Variants in NCOA2 observed in about 807,000 individuals in gnomAD.
NCOA2 encodes the protein nuclear receptor coactivator 2.
NCOA2 carries 21 observed loss-of-function variants against 145.1 expected under a neutral mutation model. The observed-to-expected ratio is 0.14, with a 90% CI of 0.10 to 0.21. NCOA2 has a LOEUF of 0.21. Ranked by LOEUF, NCOA2 falls within the 10% of genes least tolerant of loss-of-function variation. The pLI, the probability that NCOA2 is intolerant of heterozygous loss-of-function variation, is 1.00. For missense variants in NCOA2, 1,472 were observed against 1,837.6 expected (o/e 0.80, Z 3.64); for synonymous variants, 619 against 637.5 (o/e 0.97, Z 0.44).
chr8:70,398,277 C>A (rs1238336764), intron 1 of NCOA2, among the ~76,000 whole-genome samples: 1 of 151,984 alleles, frequency 6.6e-6, no homozygotes, highest in Non-Finnish European at 1.5e-5. Context: ...GGGGCAACAT[C>A]GCAAGCCTCA....
At chr8:70,127,459 C>G (rs532212733) in intron 18 of NCOA2, among the ~76,000 whole-genome samples, 1 of 152,048 alleles carries the variant, frequency 6.6e-6, no homozygotes, top group Non-Finnish European at 1.5e-5. Flanking sequence ...CAAAAGGTGA[C>G]GTGGTGCACT....
At chr8:70,443,197 T>C in the NCOA2 span, among the ~76,000 whole-genome samples, 1 of 140,558 alleles carries the variant, frequency 7.1e-6, no homozygotes, top group African/African-American at 2.7e-5. Context: ...ACACTCCATT[T>C]CTACAAAAAG....
chr8:70,146,993 T>A (rs754711867), intron 12 of NCOA2, among the ~76,000 whole-genome samples: 5 of 152,132 alleles, frequency 3.3e-5, no homozygotes, highest in Non-Finnish European at 7.4e-5. Context: ...GCCCAGCCTG[T>A]CTAGTGTGTT....
intron 4 of NCOA2, among the ~76,000 whole-genome samples, chr8:70,178,456 G>C (rs1327542935): frequency 6.6e-6 from 1 of 152,212 alleles, no homozygotes; most frequent in African/African-American, 2.4e-5. Flanking sequence ...GAAAGCAGTA[G>C]CTAACACCAG....
chr8:70,364,200 A>G (rs950479002), intron 1 of NCOA2, among the ~76,000 whole-genome samples: 5 of 152,194 alleles, frequency 3.3e-5, no homozygotes, highest in African/African-American at 1.2e-4. Context: ...CCCAACACCA[A>G]ATAAAGGGGC....
At chr8:70,125,823 T>G (rs927258698) in intron 19 of NCOA2, among the ~76,000 whole-genome samples, 1 of 152,046 alleles carries the variant, frequency 6.6e-6, no homozygotes, top group Non-Finnish European at 1.5e-5. Context: ...GAATTTAAAC[T>G]AAAAGGAAAG....
At chr8:70,152,321 T>C (rs1811836060) in intron 11 of NCOA2, among the ~76,000 whole-genome samples, 1 of 152,246 alleles carries the variant, frequency 6.6e-6, no homozygotes, top group Non-Finnish European at 1.5e-5. Flanking sequence ...AGCACAAGCA[T>C]TTAAACAACA....
the NCOA2 span, among the ~76,000 whole-genome samples, chr8:70,453,652 T>C: frequency 6.6e-6 from 1 of 152,226 alleles, no homozygotes; most frequent in Non-Finnish European, 1.5e-5. Flanking sequence ...TGAGGCCCTC[T>C]CGAAGGGCTA....
intron 4 of NCOA2, among the ~76,000 whole-genome samples, chr8:70,183,597 T>C (rs755376876): frequency 6.6e-6 from 1 of 152,150 alleles, no homozygotes; most frequent in Non-Finnish European, 1.5e-5. Context: ...CCCAAATGCA[T>C]CACATTCTTT....
chr8:70,180,367 CCTT>C (rs1450607570), intron 4 of NCOA2, among the ~76,000 whole-genome samples: 3 of 152,162 alleles, frequency 2.0e-5, no homozygotes, highest in African/African-American at 7.2e-5. Flanking sequence ...CTCACAATCT[CCTT>C]CTCCATTTGC....
chr8:70,231,299 T>C lies in NCOA2; in HGVS notation c.-19-14535A>G, dbSNP rs532287165. On this transcript the variant is annotated intron_variant, in intron 2 of 22. Transcript: ENST00000452400. The stretch of plus-strand genomic sequence containing the variant: ...CACAATTTAAACTGATTCCTAGTAA[T>C]TGAATATCTTTGAATTGTTTTAGCA... Among the ~76,000 whole-genome samples, 6 of 152,340 alleles carry C rather than the reference T, an allele frequency of 3.9e-5. No homozygotes were observed. The East Asian group carries it at 5.8e-4, about 15-fold the overall frequency.
intron 11 of NCOA2, among the ~76,000 whole-genome samples, chr8:70,155,648 T>A (rs1490043213): frequency 6.6e-6 from 1 of 152,226 alleles, no homozygotes; most frequent in Non-Finnish European, 1.5e-5. Context: ...CATATTCAAG[T>A]TTGTTTACAC....
At chr8:70,371,469 A>G (rs557857469) in intron 1 of NCOA2, among the ~76,000 whole-genome samples, 1 of 152,342 alleles carries the variant, frequency 6.6e-6, no homozygotes, top group Admixed American at 6.5e-5. Flanking sequence ...CTTAACACAG[A>G]GACATCAAAT....
chr8:70,384,177 T>C (rs1294563702), intron 1 of NCOA2, among the ~76,000 whole-genome samples: 7 of 152,078 alleles, frequency 4.6e-5, no homozygotes, highest in African/African-American at 1.4e-4. Context: ...GCTGCTTAGA[T>C]GGAGAATAAC....
chr8:70,123,690 CCTTT>C (rs746662041), intron 21 of NCOA2, 190 bp downstream of exon 21: 1 of 436,410 alleles, frequency 2.3e-6, no homozygotes, highest in Non-Finnish European at 4.0e-6. Context: ...AGTCAGGAAT[CCTTT>C]CTGTTTATTT....
intron 1 of NCOA2, among the ~76,000 whole-genome samples, chr8:70,365,906 C>T (rs186847608): frequency 6.6e-6 from 1 of 152,096 alleles, no homozygotes; most frequent in Non-Finnish European, 1.5e-5. Context: ...GAGAGCCAGG[C>T]CCTTAACAAT....
chr8:70,348,405 C>T (rs1266589809), intron 1 of NCOA2, among the ~76,000 whole-genome samples: 11 of 152,138 alleles, frequency 7.2e-5, no homozygotes, highest in Admixed American at 6.6e-4. Context: ...AGAGTTTGTT[C>T]TTATTTTAGC....
At chr8:70,279,972 A>G (rs1174214260) in intron 2 of NCOA2, among the ~76,000 whole-genome samples, 1 of 152,224 alleles carries the variant, frequency 6.6e-6, no homozygotes, top group Admixed American at 6.5e-5. Context: ...AATAAGTTCC[A>G]GGTTTGCTTA....
intron 12 of NCOA2, among the ~76,000 whole-genome samples, chr8:70,146,555 T>C (rs1369928020): frequency 2.0e-5 from 3 of 152,228 alleles, no homozygotes; most frequent in African/African-American, 7.2e-5. Context: ...GCGTGCTTAA[T>C]CATGACTTCC....
Sources: allele counts gnomAD v4.1 joint callset (sites outside exome capture counted in the v4.1 genomes callset), GRCh38; gene constraint gnomAD v4.1.1; transcripts MANE v1.5; gene names NCBI Gene and HGNC (gene_info 2026-07-23, HGNC 2026-07-21).